RERE: variants seen among roughly 807,000 people sequenced by gnomAD.
RERE encodes the protein arginine-glutamic acid dipeptide repeats.
Under a neutral mutation model 146.1 loss-of-function variants are expected in RERE, and 40 were observed. The ratio of observed to expected loss-of-function variants is 0.27; its 90% CI spans 0.21 to 0.36. The LOEUF is 0.36. Among genes scored for constraint, RERE ranks in the 10% least tolerant of loss-of-function variants. RERE has a pLI of 1.00. For missense variants in RERE, 1,933 were observed against 2,138.7 expected, an observed-to-expected ratio of 0.90 and a Z score of 1.90; for synonymous variants, 1,003 against 866.0, an observed-to-expected ratio of 1.16 and a Z score of -2.78.
At chr1:8,506,176 G>C (rs1645247545) in intron 8 of RERE, among the ~76,000 whole-genome samples, 1 of 152,198 alleles carries the variant, frequency 6.6e-6, no homozygotes, top group Non-Finnish European at 1.5e-5. Context: ...GTAGAGAATG[G>C]GAGACGAAAC....
At chr1:8,692,492 G>A (rs1001860075) in intron 1 of RERE, among the ~76,000 whole-genome samples, 5 of 151,710 alleles carry the variant, frequency 3.3e-5, no homozygotes, top group African/African-American at 1.2e-4. Flanking sequence ...GACTAGAGGC[G>A]CCTACCACCA....
intron 1 of RERE, among the ~76,000 whole-genome samples, chr1:8,789,710 A>G (rs747781308): frequency 6.6e-6 from 1 of 151,888 alleles, no homozygotes; most frequent in African/African-American, 2.4e-5. Flanking sequence ...CTCCCCACAA[A>G]TTCTGTACTT....
At chr1:8,493,007 A>C (rs368301506) in intron 10 of RERE, among the ~76,000 whole-genome samples, 1 of 152,132 alleles carries the variant, frequency 6.6e-6, no homozygotes, top group African/African-American at 2.4e-5. Flanking sequence ...CTGGGAGGTC[A>C]AGCCTGCAGT....
Position 8,364,400 on chromosome 1 carries a change from G to A in RERE, c.1541-145C>T. On this transcript the variant is annotated intron_variant, in intron 14 of 22. Transcript: ENST00000400908. This position sits in a 1 kb window ranked among gnomAD's most constrained non-coding sequence, Gnocchi z 5.1. ...CCTGGGCCCCAACACCCCAGGGCTA[G>A]TGCTGCCCTGCTCCCCCAAGGCCAG... 1.4e-6 allele frequency: 1 copy of A among 713,004 alleles called. No individual in the cohort carries two copies. The highest frequency in any genetic ancestry group is 2.4e-6 in the Non-Finnish European group (1 of 419,828). 44.2% of individuals were successfully genotyped at this position (713,004 alleles called of 1,614,324 possible).
intron 1 of RERE, among the ~76,000 whole-genome samples, chr1:8,747,660 TCTAA>T (rs912003989): frequency 6.6e-6 from 1 of 152,108 alleles, no homozygotes; most frequent in Admixed American, 6.5e-5. Flanking sequence ...ACTGGAATTC[TCTAA>T]CTAAATATCC....
intron 12 of RERE, among the ~76,000 whole-genome samples, chr1:8,408,905 C>T (rs1643534172): frequency 6.6e-6 from 1 of 152,126 alleles, no homozygotes; most frequent in African/African-American, 2.4e-5. Context: ...CCTGAGAATG[C>T]TGTGTTTGGG....
At chr1:8,678,570 C>A (rs1420108950) in intron 1 of RERE, among the ~76,000 whole-genome samples, 2 of 145,238 alleles carry the variant, frequency 1.4e-5, no homozygotes, top group African/African-American at 2.8e-5. Context: ...AATCAGGAAC[C>A]GAATCGATTG....
intron 12 of RERE, among the ~76,000 whole-genome samples, chr1:8,391,882 C>T (rs1642893253): frequency 6.6e-6 from 1 of 152,052 alleles, no homozygotes; most frequent in Non-Finnish European, 1.5e-5. Flanking sequence ...TAAAAATTGG[C>T]TGGGCATGGT....
intron 4 of RERE, among the ~76,000 whole-genome samples, chr1:8,612,638 A>C (rs1002676238): frequency 1.2e-4 from 18 of 152,258 alleles, no homozygotes; most frequent in African/African-American, 3.9e-4. Context: ...AAATCCATTC[A>C]GCAATTCCTG....
intron 4 of RERE, among the ~76,000 whole-genome samples, chr1:8,591,223 C>T (rs1283594287): frequency 6.6e-6 from 1 of 152,118 alleles, no homozygotes; most frequent in East Asian, 1.9e-4. Context: ...AGATAAGGAA[C>T]GCCTTTCTCT....
intron 12 of RERE, among the ~76,000 whole-genome samples, chr1:8,398,074 T>C (rs1428884295): frequency 6.6e-6 from 1 of 152,212 alleles, no homozygotes; most frequent in Non-Finnish European, 1.5e-5. Context: ...ACAGGGGTAT[T>C]CAAAGGACAG....
chr1:8,668,606 C>T (rs11121214), intron 1 of RERE, among the ~76,000 whole-genome samples: 24,292 of 152,118 alleles, frequency 0.16, 2,330 homozygotes, highest in Middle Eastern at 0.26. Context: ...AGTATACATA[C>T]ACACAATAAA....
At chr1:8,591,470 G>T (rs1646492951) in intron 4 of RERE, among the ~76,000 whole-genome samples, 1 of 150,102 alleles carries the variant, frequency 6.7e-6, no homozygotes, top group African/African-American at 2.4e-5. Context: ...TATGCCATTA[G>T]ATGAAAATCC....
chr1:8,809,307 A>C (rs1445801207), intron 1 of RERE, among the ~76,000 whole-genome samples: 1 of 152,176 alleles, frequency 6.6e-6, no homozygotes, highest in African/African-American at 2.4e-5. Context: ...ACCAAAATAC[A>C]TAATGATTAT....
intron 1 of RERE, among the ~76,000 whole-genome samples, chr1:8,737,946 A>C (rs1640233228): frequency 6.6e-6 from 1 of 152,202 alleles, no homozygotes; most frequent in Non-Finnish European, 1.5e-5. Flanking sequence ...AAACTCACTA[A>C]ATAAATTATA....
chr1:8,418,989 G>A lies in RERE; in HGVS notation c.1284+3738C>T, dbSNP rs1327733448. On this transcript the variant is annotated intron_variant, in intron 12 of 22. Transcript: ENST00000400908. The stretch of plus-strand genomic sequence containing the variant: ...ATACTAACACTTAAGACTCTGATGT[G>A]GTTTATGACAAACAGTGGCTTGACA... Among the ~76,000 whole-genome samples, 6 of 152,102 alleles carry A rather than the reference G, an allele frequency of 3.9e-5. No individual in the cohort carries two copies. In the East Asian group the frequency reaches 9.6e-4, roughly 24 times the overall value.
chr1:8,762,114 C>T (rs1312428100), intron 1 of RERE, among the ~76,000 whole-genome samples: 2 of 152,156 alleles, frequency 1.3e-5, no homozygotes, highest in Admixed American at 6.5e-5. Context: ...GACCAAATGC[C>T]TCCTTCTCCA....
intron 11 of RERE, among the ~76,000 whole-genome samples, chr1:8,448,133 T>TG (rs1306201581): frequency 6.6e-6 from 1 of 152,186 alleles, no homozygotes; most frequent in African/African-American, 2.4e-5. Context: ...GGGGAGTTCC[T>TG]GTCCAGGGCC....
intron 4 of RERE, among the ~76,000 whole-genome samples, chr1:8,603,400 A>G (rs1378967448): frequency 6.6e-6 from 1 of 152,190 alleles, no homozygotes; most frequent in Non-Finnish European, 1.5e-5. Context: ...ATTACAAGGA[A>G]TCCAGCCGTC....
Sources: allele counts gnomAD v4.1 joint callset (sites outside exome capture counted in the v4.1 genomes callset), GRCh38; gene constraint gnomAD v4.1.1; non-coding constraint Gnocchi (gnomAD v3.1); transcripts MANE v1.5; gene names NCBI Gene and HGNC (gene_info 2026-07-23, HGNC 2026-07-21).